PRKCE: variants seen among roughly 807,000 people sequenced by gnomAD.
PRKCE encodes the protein protein kinase C epsilon type.
A neutral mutation model predicts 85.4 loss-of-function variants in PRKCE; 16 were observed. That is an observed-to-expected ratio of 0.19 (90% CI 0.13 to 0.28). The LOEUF (loss-of-function observed/expected upper bound fraction) is 0.28. PRKCE is among the 10% of genes least tolerant of loss of function. The pLI is 1.00. For synonymous variants in PRKCE, 388 were observed against 371.5 expected, an observed-to-expected ratio of 1.04 and a Z score of -0.51; for missense variants, 573 against 975.2, an observed-to-expected ratio of 0.59 and a Z score of 5.49.
intron 1 of PRKCE, among the ~76,000 whole-genome samples, chr2:45,781,024 T>A (rs1253359509): frequency 6.6e-6 from 1 of 152,084 alleles, no homozygotes; most frequent in Non-Finnish European, 1.5e-5. Context: ...TGAGGAAGAA[T>A]CACTTAATTT....
chr2:46,138,042 G>T lies in PRKCE; in HGVS notation c.1593-7051G>T, dbSNP rs1405372554. Among the ~76,000 whole-genome samples, 1 of 152,126 alleles carries T rather than the reference G, an allele frequency of 6.6e-6. No individual in the cohort carries two copies. The highest frequency in any genetic ancestry group is 1.5e-5 in the Non-Finnish European group (1 of 68,026). On this transcript the variant is annotated intron_variant, in intron 11 of 14. Transcript: ENST00000306156. This position sits in a 1 kb window ranked among gnomAD's most constrained non-coding sequence, Gnocchi z 4.2. ...TTGTTTTTCCCCTGAGACTATTACTGCTAGGACTTATTTCTTTCCTGCTCA... is the reference window on the plus strand; with the variant it reads ...TTGTTTTTCCCCTGAGACTATTACTTCTAGGACTTATTTCTTTCCTGCTCA...
At chr2:45,670,438 A>G (rs1275520162) in intron 1 of PRKCE, among the ~76,000 whole-genome samples, 1 of 152,248 alleles carries the variant, frequency 6.6e-6, no homozygotes, top group East Asian at 1.9e-4. Context: ...TGAAAATTGA[A>G]CAATATACAC....
intron 2 of PRKCE, among the ~76,000 whole-genome samples, chr2:45,920,511 G>A (rs574368792): frequency 1.1e-4 from 16 of 152,324 alleles, no homozygotes; most frequent in South Asian, 2.1e-4. Context: ...CCCAAATGCC[G>A]TCAACTGCTG....
At chr2:45,801,896 TCTC>T (rs1490304912) in intron 1 of PRKCE, among the ~76,000 whole-genome samples, 1 of 152,120 alleles carries the variant, frequency 6.6e-6, no homozygotes, top group African/African-American at 2.4e-5. Context: ...ATTTTGCACT[TCTC>T]CTTTCCTTTT....
At chr2:45,653,988 T>C (rs1350288620) in intron 1 of PRKCE, among the ~76,000 whole-genome samples, 1 of 152,140 alleles carries the variant, frequency 6.6e-6, no homozygotes, top group Non-Finnish European at 1.5e-5. Context: ...GCAGTGCATA[T>C]GAGAGGGGGA....
intron 1 of PRKCE, among the ~76,000 whole-genome samples, chr2:45,739,571 T>A (rs1439285777): frequency 1.3e-5 from 2 of 152,268 alleles, no homozygotes; most frequent in South Asian, 2.1e-4. Context: ...ATAAAAAAAA[T>A]TATGTTCAGT....
intron 2 of PRKCE, among the ~76,000 whole-genome samples, chr2:45,900,956 T>A (rs1696533549): frequency 6.6e-6 from 1 of 152,118 alleles, no homozygotes; most frequent in Non-Finnish European, 1.5e-5. Flanking sequence ...GCAATACAGG[T>A]ACTGTAAGGA....
chr2:45,961,007 G>C (rs1169141453), intron 2 of PRKCE, among the ~76,000 whole-genome samples: 1 of 152,200 alleles, frequency 6.6e-6, no homozygotes, highest in Admixed American at 6.5e-5. Context: ...AGAGGGGCTG[G>C]AAGCAAGAGG....
At chr2:46,134,165 C>T (rs1221683402) in intron 11 of PRKCE, among the ~76,000 whole-genome samples, 1 of 152,230 alleles carries the variant, frequency 6.6e-6, no homozygotes, top group East Asian at 1.9e-4. Context: ...GGGCCACGAT[C>T]TGTGAATTCA....
intron 1 of PRKCE, among the ~76,000 whole-genome samples, chr2:45,654,475 A>T (rs1353808501): frequency 1.3e-5 from 2 of 152,296 alleles, no homozygotes. Flanking sequence ...GGGTCACATG[A>T]CAAGCAAAGG....
chr2:46,002,752 A>G (rs368160060), intron 7 of PRKCE, among the ~76,000 whole-genome samples: 16 of 152,296 alleles, frequency 1.1e-4, no homozygotes, highest in African/African-American at 3.6e-4. Context: ...GAGTATCAGT[A>G]CCCAAGAATG....
intron 1 of PRKCE, among the ~76,000 whole-genome samples, chr2:45,709,032 A>G (rs1160216901): frequency 6.6e-6 from 1 of 152,244 alleles, no homozygotes; most frequent in African/African-American, 2.4e-5. Flanking sequence ...AGGGACAAAG[A>G]CAATGGCTTG....
chr2:45,737,125 C>G (rs978463902), intron 1 of PRKCE, among the ~76,000 whole-genome samples: 6 of 152,212 alleles, frequency 3.9e-5, no homozygotes, highest in Admixed American at 6.5e-5. Flanking sequence ...CTGGACGACT[C>G]TCTCCAAGGA....
At chr2:45,871,449 A>G (rs1346383715) in intron 2 of PRKCE, among the ~76,000 whole-genome samples, 3 of 152,230 alleles carry the variant, frequency 2.0e-5, no homozygotes, top group Non-Finnish European at 4.4e-5. Flanking sequence ...AGGGGGCTAT[A>G]AATAGTTGCT....
intron 11 of PRKCE, among the ~76,000 whole-genome samples, chr2:46,120,478 A>G (rs555075099): frequency 2.0e-5 from 3 of 152,200 alleles, no homozygotes; most frequent in African/African-American, 4.8e-5. Flanking sequence ...CTCTAGATGC[A>G]AAGTTCTCTG....
chr2:46,173,364 G>A lies in PRKCE; in HGVS notation c.2068-11371G>A, dbSNP rs150317519. 9.3e-3 allele frequency among the ~76,000 whole-genome samples: 1,422 copies of A among 152,264 alleles called. 13 individuals are homozygous for A. Among genetic ancestry groups the A allele is most frequent in the South Asian group, 0.021 (101 of 4,824 alleles). ...CCACATCTAAAATATTTACTACCTG[G>A]CCTTTCACAGAAAAAAATGGCAACC... On this transcript the variant is annotated intron_variant, in intron 14 of 14. Transcript: ENST00000306156.
intron 11 of PRKCE, among the ~76,000 whole-genome samples, chr2:46,098,817 C>T (rs1436971065): frequency 6.6e-6 from 1 of 151,880 alleles, no homozygotes; most frequent in Non-Finnish European, 1.5e-5. Flanking sequence ...TTTCAGCAAA[C>T]AAGTGGCAGC....
intron 1 of PRKCE, among the ~76,000 whole-genome samples, chr2:45,821,121 A>G (rs1689496015): frequency 1.3e-5 from 2 of 152,170 alleles, no homozygotes; most frequent in Admixed American, 6.5e-5. Flanking sequence ...TCACCCCTTC[A>G]AGCCTCTTGT....
intron 3 of PRKCE, 131 bp downstream of exon 3, chr2:45,976,719 G>A (rs1038186125): frequency 6.4e-5 from 73 of 1,133,758 alleles, no homozygotes; most frequent in Non-Finnish European, 8.1e-5. Context: ...CTGAATGCAG[G>A]GGACTATTAT....
Sources: gnomAD v4.1 joint callset for allele counts (sites outside exome capture counted in the v4.1 genomes callset) on GRCh38, gnomAD v4.1.1 for gene constraint, Gnocchi (gnomAD v3.1) non-coding constraint, MANE v1.5 for transcripts, NCBI Gene and HGNC (gene_info 2026-07-23, HGNC 2026-07-21) for gene names.